LRP1B: variants seen among roughly 807,000 people sequenced by gnomAD.
The protein encoded by LRP1B is low-density lipoprotein receptor-related protein 1B.
Under a neutral mutation model 556.6 loss-of-function variants are expected in LRP1B, and 217 were observed. The ratio of observed to expected loss-of-function variants is 0.39; its 90% CI spans 0.35 to 0.44. The LOEUF is 0.44. Among genes scored for constraint, LRP1B ranks in the 20% least tolerant of loss-of-function variants. LRP1B has a pLI of 1.00. For synonymous variants in LRP1B, 2,047 were observed against 1,865.8 expected (o/e 1.10, Z -2.50); for missense variants, 5,053 against 5,620.8 (o/e 0.90, Z 3.23).
intron 77 of LRP1B, among the ~76,000 whole-genome samples, chr2:140,344,988 A>G (rs1248947281): frequency 6.6e-6 from 1 of 151,842 alleles, no homozygotes; most frequent in African/African-American, 2.4e-5. Flanking sequence ...TTATTATTAC[A>G]TAATATGACA....
intron 7 of LRP1B, among the ~76,000 whole-genome samples, chr2:141,075,024 A>C (rs759746171): frequency 4.6e-5 from 7 of 152,102 alleles, no homozygotes; most frequent in Non-Finnish European, 1.0e-4. Context: ...TCAGACTATA[A>C]CAGAACTCGG....
chr2:140,514,138 A>G (rs545129090), intron 51 of LRP1B, among the ~76,000 whole-genome samples: 1 of 152,120 alleles, frequency 6.6e-6, no homozygotes, highest in South Asian at 2.1e-4. Context: ...TAATCTTATA[A>G]AGCTACATTT....
chr2:141,701,743 A>T (rs929362844), intron 2 of LRP1B, among the ~76,000 whole-genome samples: 1 of 151,914 alleles, frequency 6.6e-6, no homozygotes, highest in African/African-American at 2.4e-5. Context: ...CAGTCTTCTC[A>T]TGCTAAACTA....
intron 32 of LRP1B, among the ~76,000 whole-genome samples, chr2:140,810,267 G>A (rs961503170): frequency 6.6e-6 from 1 of 152,094 alleles, no homozygotes; most frequent in African/African-American, 2.4e-5. Context: ...CAAACTTTCA[G>A]TTACTTATCA....
intron 66 of LRP1B, among the ~76,000 whole-genome samples, chr2:140,401,972 C>T (rs1432372070): frequency 6.6e-6 from 1 of 152,150 alleles, no homozygotes; most frequent in East Asian, 1.9e-4. Flanking sequence ...TACATCAATC[C>T]CCTGCCACCC....
intron 7 of LRP1B, among the ~76,000 whole-genome samples, chr2:141,152,941 C>T (rs952236360): frequency 6.6e-5 from 10 of 150,700 alleles, no homozygotes; most frequent in African/African-American, 1.5e-4. Context: ...ACTCAGGAAG[C>T]GAAGGTACAC....
chr2:141,795,840 G>A (rs551174944), intron 2 of LRP1B, among the ~76,000 whole-genome samples: 1 of 110,364 alleles, frequency 9.1e-6, no homozygotes, highest in Admixed American at 1.1e-4. Context: ...AAGAAATAGA[G>A]AATGAAAACC....
At chr2:141,007,248 G>GA (rs1305974003) in intron 14 of LRP1B, among the ~76,000 whole-genome samples, 1 of 151,566 alleles carries the variant, frequency 6.6e-6, no homozygotes, top group South Asian at 2.1e-4. Flanking sequence ...TAAGAAGTAA[G>GA]AAAAAAACTC....
At chr2:140,807,462 T>C (rs1690758881) in intron 32 of LRP1B, among the ~76,000 whole-genome samples, 1 of 151,572 alleles carries the variant, frequency 6.6e-6, no homozygotes, top group African/African-American at 2.4e-5. Context: ...TGCCTCAGCC[T>C]ACTGAGTAGC....
At chr2:142,004,176 T>C (rs1702737350) in intron 1 of LRP1B, among the ~76,000 whole-genome samples, 1 of 152,020 alleles carries the variant, frequency 6.6e-6, no homozygotes, top group Admixed American at 6.6e-5. Context: ...CTGAGACAAA[T>C]GCCATGGAAC....
intron 41 of LRP1B, among the ~76,000 whole-genome samples, chr2:140,629,631 T>C (rs1288857742): frequency 6.6e-6 from 1 of 152,182 alleles, no homozygotes; most frequent in Non-Finnish European, 1.5e-5. Context: ...AAGTAATCTA[T>C]TGATATGTAT....
chr2:141,849,210 A>G (rs905610970), intron 1 of LRP1B, among the ~76,000 whole-genome samples: 1 of 151,662 alleles, frequency 6.6e-6, no homozygotes, highest in African/African-American at 2.4e-5. Flanking sequence ...CATTAATTCC[A>G]AAAGTTTTTA....
At chr2:141,889,701 C>T (rs138866303) in intron 1 of LRP1B, among the ~76,000 whole-genome samples, 36 of 152,086 alleles carry the variant, frequency 2.4e-4, no homozygotes, top group Non-Finnish European at 4.3e-4. Flanking sequence ...AATTATTTGC[C>T]ATTATGTTGT....
intron 1 of LRP1B, among the ~76,000 whole-genome samples, chr2:141,993,049 A>T (rs957814344): frequency 1.3e-5 from 2 of 152,100 alleles, no homozygotes; most frequent in African/African-American, 2.4e-5. Context: ...CATTGGAGTC[A>T]TGCCAGGAAA....
intron 66 of LRP1B, among the ~76,000 whole-genome samples, chr2:140,402,515 C>T (rs34212306): frequency 0.11 from 16,993 of 152,190 alleles, 1,059 homozygotes; most frequent in African/African-American, 0.17. Context: ...GAGGCAGACT[C>T]ACAATTCCTC....
At chr2:140,391,567 A>G (rs1684021561) in intron 66 of LRP1B, among the ~76,000 whole-genome samples, 1 of 152,190 alleles carries the variant, frequency 6.6e-6, no homozygotes, top group African/African-American at 2.4e-5. Flanking sequence ...GAGTTTTTAA[A>G]AACCCAATTA....
intron 32 of LRP1B, among the ~76,000 whole-genome samples, chr2:140,789,877 G>A (rs1266788251): frequency 2.0e-5 from 3 of 151,682 alleles, no homozygotes; most frequent in African/African-American, 4.8e-5. Flanking sequence ...CGATCCGCCC[G>A]CCTCGGCCTC....
intron 2 of LRP1B, among the ~76,000 whole-genome samples, chr2:141,529,185 C>A (rs2105188530): frequency 6.6e-6 from 1 of 152,282 alleles, no homozygotes; most frequent in East Asian, 1.9e-4. Context: ...ATTAAAGATA[C>A]AAAGACTTAA....
At chr2:140,395,488 G>C (rs1684207067) in intron 66 of LRP1B, among the ~76,000 whole-genome samples, 1 of 152,196 alleles carries the variant, frequency 6.6e-6, no homozygotes, top group Non-Finnish European at 1.5e-5. Flanking sequence ...AGCACTTACA[G>C]GGACAACCTG....
Sources: gnomAD v4.1 joint callset for allele counts (sites outside exome capture counted in the v4.1 genomes callset) on GRCh38, gnomAD v4.1.1 for gene constraint, MANE v1.5 for transcripts, NCBI Gene and HGNC (gene_info 2026-07-23, HGNC 2026-07-21) for gene names.